Variants in NAP1L4 observed in about 807,000 individuals in gnomAD.
The protein encoded by NAP1L4 is nucleosome assembly protein 1-like 4.
NAP1L4 carries 15 observed loss-of-function variants against 58.2 expected under a neutral mutation model. That is an observed-to-expected ratio of 0.26 (90% CI 0.17 to 0.40). NAP1L4 has a LOEUF of 0.40. NAP1L4 is among the 10% of genes least tolerant of loss of function. The pLI, the probability that NAP1L4 is intolerant of heterozygous loss-of-function variation, is 1.00. For missense variants in NAP1L4, 384 were observed against 451.1 expected, an observed-to-expected ratio of 0.85 and a Z score of 1.35; for synonymous variants, 171 against 155.6, an observed-to-expected ratio of 1.10 and a Z score of -0.74.
chr11:2,982,155 C>T (rs1372972715), intron 1 of NAP1L4, among the ~76,000 whole-genome samples: 2 of 152,114 alleles, frequency 1.3e-5, no homozygotes, highest in Admixed American at 6.6e-5. Context: ...ATATGGCTTC[C>T]CACTCCCAGT....
intron 7 of NAP1L4, among the ~76,000 whole-genome samples, chr11:2,965,253 A>C (rs1426261327): frequency 6.6e-6 from 1 of 152,240 alleles, no homozygotes; most frequent in East Asian, 1.9e-4. Context: ...GCACCTCCTG[A>C]GAAACACATT....
rs1313097727 is a variant in NAP1L4 at position 2,945,651 on chromosome 11, C to G, written c.*33-5G>C. On this transcript the variant is annotated splice_polypyrimidine_tract_variant and splice_region_variant and intron_variant, in intron 15 of 15. Coordinates refer to ENST00000380542, the MANE Select transcript of NAP1L4 (RefSeq NM_005969.4). ...CGCCGGCTGGCTGGGTTCCTTCTGT[C>G]AATGAAAAAGACAAGGCTTGTAGAG... The G allele has an allele frequency of 5.2e-6, 8 of 1,535,606 alleles. No individual in the cohort carries two copies. The highest frequency in any genetic ancestry group is 6.1e-6 in the Non-Finnish European group (7 of 1,146,720).
Position 2,949,165 on chromosome 11 carries a change from T to G in NAP1L4, c.*32+62A>C. The G allele has an allele frequency of 7.7e-7, 1 of 1,294,170 alleles. No individual in the cohort carries two copies. Among genetic ancestry groups the G allele is most frequent in the Non-Finnish European group, 1.1e-6 (1 of 901,988 alleles). 80.2% of individuals were successfully genotyped at this position (1,294,170 alleles called of 1,614,324 possible). On this transcript the variant is annotated intron_variant, in intron 15 of 15. Transcript: ENST00000380542. This position sits in a 1 kb window ranked among gnomAD's most constrained non-coding sequence, Gnocchi z 4.0. Reference sequence around the variant, plus strand: ...CCCTCTTTATTCAAAGTCAAAACAATGCATTGTATAAAGTATAGATCAGAA... The same window carrying G: ...CCCTCTTTATTCAAAGTCAAAACAAGGCATTGTATAAAGTATAGATCAGAA...
chr11:2,977,726 T>C (rs555758998), intron 3 of NAP1L4, among the ~76,000 whole-genome samples: 3 of 152,274 alleles, frequency 2.0e-5, no homozygotes, highest in African/African-American at 7.2e-5. Context: ...CACCACTTGC[T>C]TTCAAACAGT....
At chr11:2,961,161 G>C (rs766750183) in intron 8 of NAP1L4, among the ~76,000 whole-genome samples, 1 of 151,966 alleles carries the variant, frequency 6.6e-6, no homozygotes, top group Admixed American at 6.6e-5. Context: ...AAAATATACA[G>C]CAAAAAAAGT....
rs1486583341 is a variant in NAP1L4, at chr11:2,946,618, G to A, written c.*33-972C>T. Among the ~76,000 whole-genome samples, 1 of 152,212 alleles carries A rather than the reference G, an allele frequency of 6.6e-6. No individual in the cohort carries two copies. The highest frequency in any genetic ancestry group is 1.5e-5 in the Non-Finnish European group (1 of 68,048). ...GTTACCATAAATGATATCTTCCACA[G>A]TATAAGCTGAGGCTACAGTTCATTC... is the stretch of plus-strand genomic sequence containing the variant. On this transcript the variant is annotated intron_variant, in intron 15 of 15. Transcript: ENST00000380542. The surrounding 1 kb of genome is among the most constrained non-coding windows in gnomAD (Gnocchi z 4.8).
At chr11:2,980,544 A>T (rs528892233) in intron 1 of NAP1L4, among the ~76,000 whole-genome samples, 1 of 152,228 alleles carries the variant, frequency 6.6e-6, no homozygotes, top group Non-Finnish European at 1.5e-5. Context: ...TGCACAGCTT[A>T]AAAAGGTCCT....
At position 2,949,377 on chromosome 11, in the gene NAP1L4, T is replaced by C. The variant is rs1384717272; in HGVS notation, c.1123-113A>G. On this transcript the variant is annotated intron_variant, in intron 14 of 15. Transcript: ENST00000380542. This position sits in a 1 kb window ranked among gnomAD's most constrained non-coding sequence, Gnocchi z 4.0. ...CTCATGATACAAAAGGGCTGCAAGATACTGAACTCGGGGTGAACAACTTCA... is the reference window on the plus strand; with the variant it reads ...CTCATGATACAAAAGGGCTGCAAGACACTGAACTCGGGGTGAACAACTTCA... 20 of 859,184 alleles carry C rather than the reference T, an allele frequency of 2.3e-5. No homozygotes were observed. The highest frequency in any genetic ancestry group is 3.5e-5 in the Non-Finnish European group (18 of 507,144). The allele number at this position is 859,184 out of a possible 1,614,324, so 53.2% of individuals were successfully genotyped here. A position where few individuals can be genotyped will look rare whatever the true frequency, so the allele number is the denominator to read the frequency against.
chr11:2,947,631 C>A (rs1193729195), intron 15 of NAP1L4, among the ~76,000 whole-genome samples: 2 of 151,198 alleles, frequency 1.3e-5, no homozygotes, highest in East Asian at 3.9e-4. Context: ...AAAAAAAAAA[C>A]TACACCTAAA....
chr11:2,977,577 G>A (rs1848041205), intron 3 of NAP1L4, among the ~76,000 whole-genome samples: 2 of 152,174 alleles, frequency 1.3e-5, no homozygotes, highest in South Asian at 4.1e-4. Flanking sequence ...TTGAATAGGT[G>A]CTAGATTCGG....
chr11:2,961,688 T>C (rs1200163482), intron 8 of NAP1L4, among the ~76,000 whole-genome samples: 1 of 152,088 alleles, frequency 6.6e-6, no homozygotes, highest in East Asian at 1.9e-4. Context: ...CTACTCATTT[T>C]TTCCCCTCCT....
chr11:2,979,371 A>G, intron 1 of NAP1L4, 134 bp from the exon 2 acceptor site: 1 of 677,784 alleles, frequency 1.5e-6, no homozygotes, highest in South Asian at 2.0e-5. Context: ...GAGTGATGAA[A>G]ATGTTCTAGA....
At position 2,986,306 on chromosome 11, in the gene NAP1L4, G is replaced by A. The variant is rs561043749; in HGVS notation, c.-18+5948C>T. On this transcript the variant is annotated intron_variant, in intron 1 of 15. Transcript: ENST00000380542. ...GGAGAACTGCTTGAACCTGGGGGGC[G>A]GAGGTTGTAGTGAGCCAAGATTGCC... 8.6e-5 allele frequency among the ~76,000 whole-genome samples: 13 copies of A among 151,828 alleles called. No individual in the cohort carries two copies. The East Asian group carries it at 1.2e-3, about 14-fold the overall frequency.
chr11:2,945,759 T>C (rs951277408), intron 15 of NAP1L4, 113 bp from the exon 16 acceptor site: 1 of 816,036 alleles, frequency 1.2e-6, no homozygotes, highest in Admixed American at 3.1e-5. Flanking sequence ...TTGAAAAAAA[T>C]GGTTACTGCA....
chr11:2,952,318 G>A (rs1846276388), intron 12 of NAP1L4: 1 of 155,372 alleles, frequency 6.4e-6, no homozygotes, highest in African/African-American at 2.4e-5. Flanking sequence ...TCAATAAGGT[G>A]CTCAAAGGTG....
At position 2,955,788 on chromosome 11, in the gene NAP1L4, C is replaced by A; in HGVS notation, c.893-22G>T. On this transcript the variant is annotated intron_variant, in intron 10 of 15. Coordinates refer to ENST00000380542, the MANE Select transcript of NAP1L4 (RefSeq NM_005969.4). This position sits in a 1 kb window ranked among gnomAD's most constrained non-coding sequence, Gnocchi z 4.2. The stretch of plus-strand genomic sequence containing the variant: ...GATGCTAGAAAAAGAAAAGACAAAA[C>A]ATATTTAAATTACAGTGACAACTCC... 1.2e-6 allele frequency: 2 copies of A among 1,610,390 alleles called. No individual in the cohort carries two copies. Among genetic ancestry groups the A allele is most frequent in the South Asian group, 2.2e-5 (2 of 91,010 alleles).
At chr11:2,974,100 A>G (rs1847811682) in intron 4 of NAP1L4, among the ~76,000 whole-genome samples, 1 of 152,180 alleles carries the variant, frequency 6.6e-6, no homozygotes, top group Non-Finnish European at 1.5e-5. Context: ...TTAATTTTTG[A>G]AGCTTTCCAA....
intron 1 of NAP1L4, chr11:2,991,987 G>C (rs1849003680): frequency 6.6e-6 from 1 of 151,986 alleles, no homozygotes; most frequent in African/African-American, 2.4e-5. Context: ...TCAGTGAGGC[G>C]GGCAGCCGGG....
chr11:2,953,465 T>C (rs947521060), intron 12 of NAP1L4, among the ~76,000 whole-genome samples: 13 of 152,258 alleles, frequency 8.5e-5, no homozygotes, highest in African/African-American at 3.1e-4. Flanking sequence ...CCTACTGCAC[T>C]GGACCAAGCA....
Sources: allele counts gnomAD v4.1 joint callset (sites outside exome capture counted in the v4.1 genomes callset), GRCh38; gene constraint gnomAD v4.1.1; non-coding constraint Gnocchi (gnomAD v3.1); transcripts MANE v1.5; gene names NCBI Gene and HGNC (gene_info 2026-07-23, HGNC 2026-07-21).